OPCML: variants seen among roughly 807,000 people sequenced by gnomAD.
OPCML encodes the protein opioid binding protein/cell adhesion molecule like, also known as opioid-binding protein/cell adhesion molecule.
Under a neutral mutation model 37.8 loss-of-function variants are expected in OPCML, and 13 were observed. The observed-to-expected ratio is 0.34, with a 90% CI of 0.22 to 0.55. OPCML has a LOEUF of 0.55. Among genes scored for constraint, OPCML ranks in the 20% least tolerant of loss-of-function variants. The pLI, the probability that OPCML is intolerant of heterozygous loss-of-function variation, is 0.91. For synonymous variants in OPCML, 176 were observed against 168.8 expected, an observed-to-expected ratio of 1.04 and a Z score of -0.33; for missense variants, 341 against 435.6, an observed-to-expected ratio of 0.78 and a Z score of 1.93.
At chr11:132,619,830 T>G (rs1479664282) in intron 3 of OPCML, among the ~76,000 whole-genome samples, 6 of 129,832 alleles carry the variant, frequency 4.6e-5, no homozygotes, top group Middle Eastern at 5.1e-3. Flanking sequence ...CCAATCTGGG[T>G]GACAGAGCCA....
At chr11:132,893,460 C>A (rs1313017887) in intron 2 of OPCML, among the ~76,000 whole-genome samples, 1 of 152,178 alleles carries the variant, frequency 6.6e-6, no homozygotes, top group Non-Finnish European at 1.5e-5. Context: ...TCCCTGGGAT[C>A]ATCAAGCTCT....
intron 1 of OPCML, among the ~76,000 whole-genome samples, chr11:132,988,628 G>A (rs1282651006): frequency 6.6e-6 from 1 of 152,140 alleles, no homozygotes; most frequent in Non-Finnish European, 1.5e-5. Context: ...ATGCACTAAT[G>A]AATACAGCCT....
Position 133,327,166 on chromosome 11 carries a change from G to A in OPCML, c.61+205098C>T, listed in dbSNP as rs143551676. ...TGTGTGTATGTGGGTGTGGGTGTGT[G>A]TAGTGTGTGTGGGATGTGGGTGGGG... On this transcript the variant is annotated intron_variant, in intron 1 of 7. Transcript: ENST00000524381. Among the ~76,000 whole-genome samples the A allele has an allele frequency of 2.1e-3, 302 of 143,172 alleles. 1 individual carries two copies. Among genetic ancestry groups the A allele is most frequent in the African/African-American group, 7.3e-3 (283 of 38,554 alleles). The allele number at this position is 143,172 out of a possible 152,430, so 93.9% of individuals were successfully genotyped here. A position where few individuals can be genotyped will look rare whatever the true frequency, so the allele number is the denominator to read the frequency against.
chr11:132,537,793 G>C (rs926490060), intron 3 of OPCML, among the ~76,000 whole-genome samples: 3 of 151,966 alleles, frequency 2.0e-5, no homozygotes. Flanking sequence ...TATACTAATC[G>C]CCAATAAGCA....
intron 1 of OPCML, among the ~76,000 whole-genome samples, chr11:133,202,266 C>T (rs1004836256): frequency 6.6e-6 from 1 of 152,176 alleles, no homozygotes; most frequent in Non-Finnish European, 1.5e-5. Flanking sequence ...TGGGAGATGG[C>T]CAGTCCTACC....
chr11:132,514,169 CA>C lies in OPCML; in HGVS notation c.505+14891del, dbSNP rs577523335. Among the ~76,000 whole-genome samples the C allele has an allele frequency of 1.8e-4, 27 of 152,168 alleles. No individual in the cohort carries two copies. The South Asian group carries it at 5.2e-3, about 29-fold the overall frequency. On this transcript the variant is annotated intron_variant, in intron 4 of 7. Coordinates refer to ENST00000524381, the MANE Select transcript of OPCML (RefSeq NM_001012393.5). Reference sequence around the variant, plus strand: ...ACCTTTTTGAAAACCAAGATTAAGTCAAAGTGGCATGTCAATAAATTTAAAG... The same window carrying C: ...ACCTTTTTGAAAACCAAGATTAAGTCAAGTGGCATGTCAATAAATTTAAAG...
intron 2 of OPCML, among the ~76,000 whole-genome samples, chr11:132,796,301 TTTAAG>T (rs1362418391): frequency 6.6e-6 from 1 of 152,232 alleles, no homozygotes; most frequent in African/African-American, 2.4e-5. Flanking sequence ...TTGATGGTCA[TTTAAG>T]TTGTCTCCAC....
At chr11:132,478,909 T>C (rs76901613) in intron 4 of OPCML, among the ~76,000 whole-genome samples, 2,841 of 152,242 alleles carry the variant, frequency 0.019, 91 homozygotes, top group African/African-American at 0.065. Flanking sequence ...ATTATCCTAA[T>C]TGAAAAATAA....
intron 1 of OPCML, among the ~76,000 whole-genome samples, chr11:133,431,780 TTA>T (rs968969415): frequency 5.4e-5 from 8 of 147,864 alleles, no homozygotes; most frequent in African/African-American, 1.7e-4. Flanking sequence ...TCAATTTATT[TTA>T]TATATATATA....
chr11:132,594,478 G>T (rs1026788724), intron 3 of OPCML, among the ~76,000 whole-genome samples: 1 of 152,080 alleles, frequency 6.6e-6, no homozygotes, highest in Non-Finnish European at 1.5e-5. Flanking sequence ...AAAATATATT[G>T]AAATGTATGC....
At chr11:132,837,261 C>T (rs960924826) in intron 2 of OPCML, among the ~76,000 whole-genome samples, 5 of 152,090 alleles carry the variant, frequency 3.3e-5, no homozygotes, top group East Asian at 3.9e-4. Context: ...TTGCGGTGAC[C>T]GAGATCGCGC....
At chr11:132,661,632 A>G (rs1329538276) in intron 2 of OPCML, among the ~76,000 whole-genome samples, 2 of 152,200 alleles carry the variant, frequency 1.3e-5, no homozygotes, top group African/African-American at 4.8e-5. Flanking sequence ...GAGGAAGGCT[A>G]ATGACAACTT....
chr11:132,890,856 C>CAAAAAAAAAAAAAAA (rs57246769), intron 2 of OPCML, among the ~76,000 whole-genome samples: 13 of 46,278 alleles, frequency 2.8e-4, no homozygotes, highest in East Asian at 7.1e-4. Flanking sequence ...GACTCCATCT[C>CAAAAAAAAAAAAAAA]AAAAAAAAAA....
chr11:132,607,841 C>G (rs990380648), intron 3 of OPCML, among the ~76,000 whole-genome samples: 1 of 151,994 alleles, frequency 6.6e-6, no homozygotes, highest in African/African-American at 2.4e-5. Flanking sequence ...TGGTGGTTAC[C>G]AGAGGCAGAG....
intron 1 of OPCML, among the ~76,000 whole-genome samples, chr11:133,001,772 G>A (rs1947009258): frequency 6.6e-6 from 1 of 152,220 alleles, no homozygotes; most frequent in South Asian, 2.1e-4. Flanking sequence ...GATCACTCAA[G>A]TATTGACCCC....
At chr11:133,216,057 C>T (rs1939576002) in intron 1 of OPCML, among the ~76,000 whole-genome samples, 1 of 152,144 alleles carries the variant, frequency 6.6e-6, no homozygotes, top group Non-Finnish European at 1.5e-5. Context: ...CAGAGGGCGC[C>T]TTCTAAAAAG....
intron 1 of OPCML, among the ~76,000 whole-genome samples, chr11:133,440,762 T>TTTATATATATATATATATATATATATA (rs1946347371): frequency 1.6e-5 from 2 of 126,936 alleles, no homozygotes; most frequent in African/African-American, 3.5e-5. Context: ...CCTACAGCAA[T>TTTATATATATATATATATATATATATA]TATATATATA....
chr11:132,623,383 CAG>C (rs1939544011), intron 3 of OPCML, among the ~76,000 whole-genome samples: 1 of 151,682 alleles, frequency 6.6e-6, no homozygotes, highest in South Asian at 2.1e-4. Flanking sequence ...AACAAAAAAA[CAG>C]AGCTGATTAA....
intron 2 of OPCML, among the ~76,000 whole-genome samples, chr11:132,858,294 G>T (rs1469239888): frequency 1.3e-5 from 2 of 152,112 alleles, no homozygotes; most frequent in African/African-American, 2.4e-5. Context: ...ACTCAGTCAG[G>T]CTCCCAGGTT....
Sources: allele counts gnomAD v4.1 joint callset (sites outside exome capture counted in the v4.1 genomes callset), GRCh38; gene constraint gnomAD v4.1.1; transcripts MANE v1.5; gene names NCBI Gene and HGNC (gene_info 2026-07-23, HGNC 2026-07-21).